Variants in CNTNAP5 observed in about 807,000 individuals in gnomAD.
CNTNAP5 encodes the protein contactin associated protein family member 5.
A neutral mutation model predicts 150.2 loss-of-function variants in CNTNAP5; 72 were observed. That is an observed-to-expected ratio of 0.48 (90% confidence interval 0.40 to 0.58). CNTNAP5 has a LOEUF of 0.58. Ranked by LOEUF, CNTNAP5 falls within the 20% of genes least tolerant of loss-of-function variation. CNTNAP5 has a pLI of 0.00. For missense variants in CNTNAP5, 1,636 were observed against 1,626.2 expected, an observed-to-expected ratio of 1.01 and a Z score of -0.10; for synonymous variants, 672 against 619.8, an observed-to-expected ratio of 1.08 and a Z score of -1.25.
intron 19 of CNTNAP5, among the ~76,000 whole-genome samples, chr2:124,829,443 G>T (rs1226071885): frequency 6.6e-6 from 1 of 152,038 alleles, no homozygotes; most frequent in African/African-American, 2.4e-5. Context: ...AGCATATTTT[G>T]AATATCTTCT....
chr2:124,808,457 G>T (rs1255732072), intron 19 of CNTNAP5, among the ~76,000 whole-genome samples: 1 of 151,872 alleles, frequency 6.6e-6, no homozygotes, highest in Non-Finnish European at 1.5e-5. Context: ...GCGTGATGGT[G>T]CATGCCTGTA....
intron 13 of CNTNAP5, among the ~76,000 whole-genome samples, chr2:124,655,667 G>A (rs1349651331): frequency 6.6e-6 from 1 of 151,818 alleles, no homozygotes; most frequent in Non-Finnish European, 1.5e-5. Flanking sequence ...AGACGCCGAG[G>A]TGGGAGGATG....
At chr2:124,244,083 A>AT (rs35342664) in intron 3 of CNTNAP5, among the ~76,000 whole-genome samples, 2 of 152,010 alleles carry the variant, frequency 1.3e-5, no homozygotes, top group African/African-American at 4.8e-5. Context: ...ATTGTGCCTA[A>AT]TTTTTTTGTT....
intron 21 of CNTNAP5, among the ~76,000 whole-genome samples, chr2:124,889,728 T>TA (rs1678154808): frequency 6.6e-6 from 1 of 152,174 alleles, no homozygotes; most frequent in African/African-American, 2.4e-5. Context: ...ATTGCTATGA[T>TA]AAAAATAGTA....
intron 1 of CNTNAP5, among the ~76,000 whole-genome samples, chr2:124,106,393 C>T (rs1454769614): frequency 1.3e-5 from 2 of 152,142 alleles, no homozygotes; most frequent in Non-Finnish European, 2.9e-5. Context: ...AATTATAGCA[C>T]TTTAAGCCCG....
At chr2:124,766,875 A>G (rs1483348282) in intron 16 of CNTNAP5, among the ~76,000 whole-genome samples, 1 of 152,172 alleles carries the variant, frequency 6.6e-6, no homozygotes. Context: ...CACTGAAGTA[A>G]TTGCTTGGTA....
At chr2:124,753,171 G>A (rs1389594441) in intron 14 of CNTNAP5, among the ~76,000 whole-genome samples, 3 of 152,116 alleles carry the variant, frequency 2.0e-5, no homozygotes, top group African/African-American at 7.2e-5. Context: ...GATGTAAGGT[G>A]TAAATTCCGG....
intron 3 of CNTNAP5, among the ~76,000 whole-genome samples, chr2:124,416,737 C>T (rs925081285): frequency 2.0e-5 from 3 of 151,848 alleles, no homozygotes; most frequent in Non-Finnish European, 2.9e-5. Context: ...TAGTGACTGG[C>T]CTCAATTAAT....
chr2:124,598,622 G>A (rs1696892486), intron 11 of CNTNAP5, among the ~76,000 whole-genome samples: 2 of 150,692 alleles, frequency 1.3e-5, no homozygotes, highest in South Asian at 2.1e-4. Flanking sequence ...GCCCCCAGAG[G>A]TGGAGCCTAC....
At chr2:124,519,367 C>CA in intron 8 of CNTNAP5, among the ~76,000 whole-genome samples, 1 of 152,018 alleles carries the variant, frequency 6.6e-6, no homozygotes, top group South Asian at 2.1e-4. Flanking sequence ...AATCTGTTAC[C>CA]AAAAAATAAT....
chr2:124,644,840 C>T (rs560998740), intron 12 of CNTNAP5, among the ~76,000 whole-genome samples: 5 of 152,274 alleles, frequency 3.3e-5, no homozygotes, highest in African/African-American at 1.2e-4. Context: ...TCTCCTGTCC[C>T]TCGTACAGTG....
At chr2:124,256,657 A>G (rs1687323554) in intron 3 of CNTNAP5, among the ~76,000 whole-genome samples, 1 of 152,210 alleles carries the variant, frequency 6.6e-6, no homozygotes, top group Admixed American at 6.6e-5. Context: ...AAGATGCCCA[A>G]TAGAACATGG....
intron 13 of CNTNAP5, among the ~76,000 whole-genome samples, chr2:124,731,866 ATG>A (rs924947253): frequency 5.3e-5 from 8 of 150,464 alleles, no homozygotes; most frequent in East Asian, 2.0e-4. Context: ...GTGTGAGTGT[ATG>A]TGTGTGTGTG....
At chr2:124,085,166 T>A (rs999143699) in intron 1 of CNTNAP5, among the ~76,000 whole-genome samples, 19 of 151,914 alleles carry the variant, frequency 1.3e-4, no homozygotes, top group African/African-American at 3.9e-4. Context: ...GTGATCCACC[T>A]GCCTCGGCCT....
intron 13 of CNTNAP5, among the ~76,000 whole-genome samples, chr2:124,669,667 C>T (rs906379328): frequency 6.6e-6 from 1 of 152,194 alleles, no homozygotes; most frequent in African/African-American, 2.4e-5. Flanking sequence ...GATCTTCTTC[C>T]TCCAAATATG....
At chr2:124,843,642 C>G (rs1216075060) in intron 19 of CNTNAP5, among the ~76,000 whole-genome samples, 1 of 152,026 alleles carries the variant, frequency 6.6e-6, no homozygotes, top group Admixed American at 6.6e-5. Context: ...TAGGAGTGTT[C>G]CCTGTTCACT....
In CNTNAP5 at chr2:124,084,924, G is replaced by GTTTTTTTTTTTTTTTTTT. The variant is rs71394021; in HGVS notation, c.82+59207_82+59208insTTTTTTTTTTTTTTTTTT. On this transcript the variant is annotated intron_variant, in intron 1 of 23. Transcript: ENST00000682447. Reference sequence around the variant, plus strand: ...TAAAAATTATGAATTCAAGTTTCCTGTTTTTTTTTTTTTTTGAGACGGAGT... The same window carrying GTTTTTTTTTTTTTTTTTT: ...TAAAAATTATGAATTCAAGTTTCCTGTTTTTTTTTTTTTTTTTTTTTTTTTTTTTTTTTGAGACGGAGT... Among the ~76,000 whole-genome samples, 141 of 89,984 alleles carry GTTTTTTTTTTTTTTTTTT rather than the reference G, an allele frequency of 1.6e-3. 19 individuals are homozygous for GTTTTTTTTTTTTTTTTTT. Among genetic ancestry groups the GTTTTTTTTTTTTTTTTTT allele is most frequent in the Admixed American group, 2.1e-3 (12 of 5,756 alleles). The allele number at this position is 89,984 out of a possible 152,430, so 59.0% of individuals were successfully genotyped here.
chr2:124,035,542 G>C (rs577063931), intron 1 of CNTNAP5, among the ~76,000 whole-genome samples: 94 of 152,128 alleles, frequency 6.2e-4, no homozygotes, highest in African/African-American at 2.2e-3. Context: ...CTGAAGTGCT[G>C]CTCACCGGGA....
chr2:124,350,913 A>G (rs919633800), intron 3 of CNTNAP5, among the ~76,000 whole-genome samples: 2 of 152,154 alleles, frequency 1.3e-5, no homozygotes, highest in Non-Finnish European at 2.9e-5. Context: ...CAGGCAAGCC[A>G]AGCTTTTGTG....
Sources: gnomAD v4.1 joint callset for allele counts (sites outside exome capture counted in the v4.1 genomes callset) on GRCh38, gnomAD v4.1.1 for gene constraint, MANE v1.5 for transcripts, NCBI Gene and HGNC (gene_info 2026-07-23, HGNC 2026-07-21) for gene names.